CHFR: variants seen among roughly 807,000 people sequenced by gnomAD.
CHFR encodes E3 ubiquitin-protein ligase CHFR.
In CHFR, 57 loss-of-function variants were observed where a neutral mutation model predicts 87.6. The observed-to-expected ratio is 0.65, with a 90% CI of 0.53 to 0.81. The LOEUF (loss-of-function observed/expected upper bound fraction) is 0.81. CHFR is among the 30% of genes least tolerant of loss of function. The probability of loss-of-function intolerance (pLI) is 0.00; values close to 1 mark genes in which losing one functional copy is unlikely to be tolerated. For synonymous variants in CHFR, 381 were observed against 359.2 expected, an observed-to-expected ratio of 1.06 and a Z score of -0.69; for missense variants, 797 against 865.8, an observed-to-expected ratio of 0.92 and a Z score of 1.00.
At chr12:132,847,985 C>A (rs1713998239) in intron 14 of CHFR, 100 bp downstream of exon 14, 4 of 1,580,512 alleles carry the variant, frequency 2.5e-6, no homozygotes, top group Non-Finnish European at 3.4e-6. Flanking sequence ...CGCAGCGGGT[C>A]AGGTAAAACA....
intron 2 of CHFR, among the ~76,000 whole-genome samples, chr12:132,879,903 C>A (rs1951727610): frequency 6.6e-6 from 1 of 152,200 alleles, no homozygotes; most frequent in African/African-American, 2.4e-5. Context: ...CAGAAAGACA[C>A]CCTGAATCTG....
intron 2 of CHFR, among the ~76,000 whole-genome samples, chr12:132,883,774 C>T (rs1951822109): frequency 6.6e-6 from 1 of 152,110 alleles, no homozygotes; most frequent in South Asian, 2.1e-4. Flanking sequence ...TCCCTTTTCC[C>T]CCAAATAATG....
chr12:132,874,726 G>C (rs1345037896), intron 3 of CHFR, among the ~76,000 whole-genome samples: 2 of 55,046 alleles, frequency 3.6e-5, no homozygotes, highest in Non-Finnish European at 7.0e-5. Context: ...AGGAAGGCCC[G>C]GGACCAGCAC....
chr12:132,882,276 G>A (rs1474049788), intron 2 of CHFR, among the ~76,000 whole-genome samples: 1 of 152,182 alleles, frequency 6.6e-6, no homozygotes, highest in Non-Finnish European at 1.5e-5. Flanking sequence ...AGGCGCAGAA[G>A]ATGATGGCAG....
intron 6 of CHFR, among the ~76,000 whole-genome samples, chr12:132,862,163 T>A (rs1387127340): frequency 1.3e-5 from 2 of 152,024 alleles, no homozygotes; most frequent in African/African-American, 4.8e-5. Flanking sequence ...TAGTCCCAGC[T>A]ACTCAAGAGG....
chr12:132,839,222 G>A lies in CHFR; in HGVS notation c.*2332C>T, dbSNP rs1332452920. 6.2e-6 allele frequency: 1 copy of A among 161,834 alleles called. No homozygotes were observed. The highest frequency in any genetic ancestry group is 2.4e-5 in the African/African-American group (1 of 41,480). 10.0% of individuals were successfully genotyped at this position (161,834 alleles called of 1,614,324 possible). On this transcript the variant is annotated 3_prime_UTR_variant, in exon 18 of 18. Transcript: ENST00000450056. Reference sequence around the variant, plus strand: ...TATCAACCGATCTCTCTAAGACACAGACGCAGGGTAGCCCCAGCCCACTTC... The same window carrying A: ...TATCAACCGATCTCTCTAAGACACAAACGCAGGGTAGCCCCAGCCCACTTC...
intron 6 of CHFR, 174 bp from the exon 7 acceptor site, chr12:132,861,808 T>G (rs1951216192): frequency 6.8e-6 from 4 of 590,082 alleles, no homozygotes; most frequent in Non-Finnish European, 1.2e-5. Context: ...ATCTTAACTC[T>G]ATTTGTGCCT....
In CHFR at chr12:132,853,619, T is replaced by C. The variant is rs140026593; in HGVS notation, c.1230-46A>G. ...GAGCTGTGTGCAGGCCCCAAGCCTC[T>C]CAGGTAGGGCCGGTGCAACGCGGGT... On this transcript the variant is annotated intron_variant, in intron 10 of 17. Coordinates refer to ENST00000450056, the MANE Select transcript of CHFR (RefSeq NM_001161346.2). The C allele has an allele frequency of 8.1e-4, 1,210 of 1,486,528 alleles. 5 individuals carry two copies. In the African/African-American group the frequency reaches 0.015, roughly 19 times the overall value. The allele number at this position is 1,486,528 out of a possible 1,614,324, so 92.1% of individuals were successfully genotyped here.
At chr12:132,863,010 C>T (rs111772956) in intron 6 of CHFR, among the ~76,000 whole-genome samples, 2,239 of 151,050 alleles carry the variant, frequency 0.015, 28 homozygotes, top group Non-Finnish European at 0.023. Context: ...CATTCTCCTG[C>T]CTCAGCCTCC....
chr12:132,882,684 C>T (rs11147142), intron 2 of CHFR, among the ~76,000 whole-genome samples: 25,840 of 149,912 alleles, frequency 0.17, 2,318 homozygotes, highest in South Asian at 0.24. Context: ...GTAACAGAGG[C>T]GTCTCCATGC....
intron 15 of CHFR, among the ~76,000 whole-genome samples, chr12:132,845,385 G>T (rs886683846): frequency 2.2e-4 from 33 of 152,030 alleles, no homozygotes; most frequent in African/African-American, 7.7e-4. Flanking sequence ...TTGAACCTGG[G>T]AGGCGGAGCT....
At chr12:132,844,325 C>T (rs1416156504) in intron 15 of CHFR, among the ~76,000 whole-genome samples, 191 bp from the exon 16 acceptor site, 6 of 152,244 alleles carry the variant, frequency 3.9e-5, no homozygotes. Flanking sequence ...CGCTCTGTCG[C>T]CCTGGCTGGA....
In CHFR at chr12:132,832,488, A is replaced by G. The variant is rs979021100; in HGVS notation, c.*9066T>C. 4 of 152,204 alleles carry G rather than the reference A, an allele frequency of 2.6e-5. No individual in the cohort carries two copies. Among genetic ancestry groups the G allele is most frequent in the African/African-American group, 7.2e-5 (3 of 41,420 alleles). The allele number at this position is 152,204 out of a possible 1,614,324, so 9.4% of individuals were successfully genotyped here. ...AGAGTGGAACTGGAATGTTCCTAACAAAGAAATGATACAGGCTTGAGGTGA... is the reference window on the plus strand; with the variant it reads ...AGAGTGGAACTGGAATGTTCCTAACGAAGAAATGATACAGGCTTGAGGTGA... On this transcript the variant is annotated 3_prime_UTR_variant, in exon 18 of 18. Coordinates refer to ENST00000450056, the MANE Select transcript of CHFR (RefSeq NM_001161346.2).
At chr12:132,853,289 GGAGACCAAT>G in intron 11 of CHFR, 133 bp downstream of exon 11, 1 of 848,546 alleles carries the variant, frequency 1.2e-6, no homozygotes, top group East Asian at 3.3e-5. Flanking sequence ...GTGAGTGCAG[GGAGACCAAT>G]GAGGCCAGGG....
intron 15 of CHFR, among the ~76,000 whole-genome samples, chr12:132,845,191 C>T (rs1408232882): frequency 6.6e-6 from 1 of 151,992 alleles, no homozygotes; most frequent in East Asian, 1.9e-4. Context: ...CACGGTGGCT[C>T]GCGCCTGTAA....
In CHFR at chr12:132,853,493, C is replaced by T. The variant is rs367968934; in HGVS notation, c.1310G>A (p.Gly437Asp). 6.5e-7 allele frequency: 1 copy of T among 1,534,032 alleles called. No homozygotes were observed. Among genetic ancestry groups the T allele is most frequent in the Non-Finnish European group, 8.7e-7 (1 of 1,146,580 alleles). The change falls in exon 11 of 18, where the codon GGC (glycine) becomes GAC (aspartate). Residue 437 changes from glycine (G) to aspartate (D), a missense_variant. Gly to Asp is a moderately conservative substitution (Grantham distance 94). Coordinates refer to ENST00000450056, the MANE Select transcript of CHFR (RefSeq NM_001161346.2). ...CAGGGCCTGTGGGGCTCCTGGCTCG[C>T]CCTCGGGTGCTGGGCAGTGGGGAGG... Reference protein sequence around the residue: ...AQPPHCPAPEGEPGAPQALGD... With the variant: ...AQPPHCPAPEDEPGAPQALGD...
intron 2 of CHFR, among the ~76,000 whole-genome samples, chr12:132,886,761 T>C (rs546832718): frequency 9.8e-5 from 15 of 152,340 alleles, no homozygotes; most frequent in African/African-American, 3.6e-4. Flanking sequence ...TACCTTTTGG[T>C]GTATTCTATT....
At chr12:132,882,152 C>T (rs1035164205) in intron 2 of CHFR, among the ~76,000 whole-genome samples, 1 of 152,204 alleles carries the variant, frequency 6.6e-6, no homozygotes, top group Non-Finnish European at 1.5e-5. Flanking sequence ...AATGTCCATC[C>T]ACTGGTTGTA....
At chr12:132,866,387 G>C (rs1174203851) in intron 6 of CHFR, 1 of 151,616 alleles carries the variant, frequency 6.6e-6, no homozygotes, top group African/African-American at 2.4e-5. Flanking sequence ...CGGAATGTTG[G>C]AATGTTACAA....
Sources: allele counts gnomAD v4.1 joint callset (sites outside exome capture counted in the v4.1 genomes callset), GRCh38; gene constraint gnomAD v4.1.1; transcripts MANE v1.5; gene names NCBI Gene and HGNC (gene_info 2026-07-23, HGNC 2026-07-21).